The following RNF112 variants were observed in gnomAD, a reference collection of about 807,000 sequenced individuals.
The protein encoded by RNF112 is ring finger protein 112, also known as brain finger protein.
Under a neutral mutation model 64.7 loss-of-function variants are expected in RNF112, and 34 were observed. The ratio of observed to expected loss-of-function variants is 0.53; its 90% CI spans 0.40 to 0.70. RNF112 has a LOEUF of 0.70. Among genes scored for constraint, RNF112 ranks in the 30% least tolerant of loss-of-function variants. The probability of loss-of-function intolerance (pLI) is 0.00; values close to 1 mark genes in which losing one functional copy is unlikely to be tolerated. For missense variants in RNF112, 734 were observed against 850.0 expected, an observed-to-expected ratio of 0.86 and a Z score of 1.70; for synonymous variants, 345 against 344.5, an observed-to-expected ratio of 1.00 and a Z score of -0.02.
Position 19,415,535 on chromosome 17 carries a change from C to T in RNF112, c.1368C>T (p.His456=), listed in dbSNP as rs762783744. ...TSPDEMAAQL[H]DLRKVEAAKR... ...GTGGACAGATGGCTGCTCAGCTGCA[C>T]GACCTGAGGAAGGTGGAAGCTGCCA... Residue 456 remains histidine (H), a synonymous_variant, in exon 13 of 14, where the codon CAC becomes CAT. Coordinates refer to ENST00000461366, the MANE Select transcript of RNF112 (RefSeq NM_007148.5). The surrounding 1 kb of genome is among the most constrained non-coding windows in gnomAD (Gnocchi z 7.8). The T allele has an allele frequency of 2.9e-5, 47 of 1,612,216 alleles. No homozygotes were observed. The highest frequency in any genetic ancestry group is 3.5e-5 in the Non-Finnish European group (41 of 1,179,358).
rs1349507963 is a variant in RNF112, at chr17:19,415,397, G to A, written c.1350+58G>A. ...GGGAGACAGGGGAGGCAGGGAGGTG[G>A]GGGCTGTGCCGAGGCCTCCGGGGTG... is the stretch of plus-strand genomic sequence containing the variant. On this transcript the variant is annotated intron_variant, in intron 12 of 13. Transcript: ENST00000461366. This position sits in a 1 kb window ranked among gnomAD's most constrained non-coding sequence, Gnocchi z 7.8. 3.9e-6 allele frequency: 6 copies of A among 1,551,784 alleles called. No homozygotes were observed. In the East Asian group the frequency reaches 9.4e-5, roughly 24 times the overall value.
Position 19,411,636 on chromosome 17 carries a change from A to G in RNF112, c.61A>G (p.Lys21Glu). 1 of 1,564,942 alleles carries G rather than the reference A, an allele frequency of 6.4e-7. No homozygotes were observed. The highest frequency in any genetic ancestry group is 8.7e-7 in the Non-Finnish European group (1 of 1,155,076). The change falls in exon 2 of 14, where the codon AAA (lysine) becomes GAA (glutamate). Residue 21 changes from lysine to glutamate, a missense_variant. Physicochemically the swap from Lys to Glu is moderately conservative, Grantham distance 56. Coordinates refer to ENST00000461366, the MANE Select transcript of RNF112 (RefSeq NM_007148.5). ...FCHRLGKRER[K>E]QSFMGNSGNS... ...TTTTTTTTTTTTCTCCAAGGAGAGA[A>G]AACAGAGCTTCATGGGAAACAGCGG... is the stretch of plus-strand genomic sequence containing the variant.
chr17:19,413,331 T>C lies in RNF112; in HGVS notation c.640T>C (p.Cys214Arg). The C allele has an allele frequency of 6.2e-7, 1 of 1,613,280 alleles. No individual in the cohort carries two copies. Among genetic ancestry groups the C allele is most frequent in the Non-Finnish European group, 8.5e-7 (1 of 1,179,582 alleles). Residue 214 changes from cysteine (C) to arginine (R), a missense_variant, in exon 5 of 14, where the codon TGC becomes CGC. Physicochemically the swap from Cys to Arg is radical, Grantham distance 180. Transcript: ENST00000461366. This position sits in a 1 kb window ranked among gnomAD's most constrained non-coding sequence, Gnocchi z 5.9. Reference sequence around the variant, plus strand: ...AGGAGGAGAGGCATCCCTGCAGGGCTGCAGGTGGGGCGCCAATGGCCTCGC... The same window carrying C: ...AGGAGGAGAGGCATCCCTGCAGGGCCGCAGGTGGGGCGCCAATGGCCTCGC... ...PRGGEASLQG[C>R]RWGANGLARG...
chr17:19,416,489 T>G lies in RNF112; in HGVS notation c.*314T>G. 1 of 301,976 alleles carries G rather than the reference T, an allele frequency of 3.3e-6. No individual in the cohort carries two copies. The highest frequency in any genetic ancestry group is 6.2e-6 in the Non-Finnish European group (1 of 161,812). 18.7% of individuals were successfully genotyped at this position (301,976 alleles called of 1,614,324 possible). ...CAAGTGAGACTCCACCCTCCCCACC[T>G]GGCTCATTTCCCCGATGACCCTGGA... On this transcript the variant is annotated 3_prime_UTR_variant, in exon 14 of 14. Transcript: ENST00000461366.
chr17:19,414,073 A>G (rs1240671978), intron 6 of RNF112, 22 bp from the exon 7 acceptor site: 2 of 1,597,314 alleles, frequency 1.3e-6, no homozygotes, highest in African/African-American at 1.3e-5. Flanking sequence ...TCTCTCATAC[A>G]TGTTGTTCTC....
chr17:19,412,623 A>G lies in RNF112; in HGVS notation c.221A>G (p.His74Arg). The change falls in exon 3 of 14, where the codon CAC becomes CGC. Residue 74 changes from histidine (H) to arginine (R), a missense_variant. Coordinates refer to ENST00000461366, the MANE Select transcript of RNF112 (RefSeq NM_007148.5). The surrounding 1 kb of genome is among the most constrained non-coding windows in gnomAD (Gnocchi z 5.1). ...LRDPISLDCG[H>R]DFCIRCFSTH... ...GACCCCATCTCGCTGGACTGTGGCC[A>G]CGACTTCTGCATACGGTGCTTCAGC... 1 of 1,613,472 alleles carries G rather than the reference A, an allele frequency of 6.2e-7. No individual in the cohort carries two copies.
In RNF112 at chr17:19,411,476, C is replaced by T; in HGVS notation, c.54+14C>T. 7 of 1,609,418 alleles carry T rather than the reference C, an allele frequency of 4.3e-6. No homozygotes were observed. Among genetic ancestry groups the T allele is most frequent in the Non-Finnish European group, 5.9e-6 (7 of 1,178,490 alleles). On this transcript the variant is annotated intron_variant, in intron 1 of 13. Coordinates refer to ENST00000461366, the MANE Select transcript of RNF112 (RefSeq NM_007148.5). ...CTTGGCAAACGGGCAAGTCTTCAGTCCTAAGATCGGGAAGGAGAGTGGGGT... is the reference window on the plus strand; with the variant it reads ...CTTGGCAAACGGGCAAGTCTTCAGTTCTAAGATCGGGAAGGAGAGTGGGGT...
chr17:19,412,591 G>A lies in RNF112; in HGVS notation c.189G>A (p.Arg63=). The change falls in exon 3 of 14, where the codon AGG becomes AGA. Residue 63 remains arginine, a synonymous_variant. Coordinates refer to ENST00000461366, the MANE Select transcript of RNF112 (RefSeq NM_007148.5). The surrounding 1 kb of genome is among the most constrained non-coding windows in gnomAD (Gnocchi z 5.1). ...CTACCTGCTCCATCTGCCTGGAGAG[G>A]TTGCGCGACCCCATCTCGCTGGACT... ...ELPTCSICLE[R]LRDPISLDCG... The A allele has an allele frequency of 6.2e-7, 1 of 1,613,420 alleles. No homozygotes were observed. Among genetic ancestry groups the A allele is most frequent in the Non-Finnish European group, 8.5e-7 (1 of 1,179,770 alleles).
In RNF112 at chr17:19,414,442, C is replaced by T; in HGVS notation, c.877-7C>T. Reference sequence around the variant, plus strand: ...CAGCCCTGACGCTTTCTGTGTCCCACCCCCAGATGTTTGTCCACGTGGCCG... The same window carrying T: ...CAGCCCTGACGCTTTCTGTGTCCCATCCCCAGATGTTTGTCCACGTGGCCG... On this transcript the variant is annotated splice_polypyrimidine_tract_variant and splice_region_variant and intron_variant, in intron 7 of 13. Transcript: ENST00000461366. 2 of 1,613,924 alleles carry T rather than the reference C, an allele frequency of 1.2e-6. No individual in the cohort carries two copies. The highest frequency in any genetic ancestry group is 2.2e-5 in the East Asian group (1 of 44,884).
Position 19,412,680 on chromosome 17 carries a change from G to A in RNF112, c.278G>A (p.Cys93Tyr). 6.2e-7 allele frequency: 1 copy of A among 1,613,466 alleles called. No individual in the cohort carries two copies. Residue 93 changes from cysteine to tyrosine, a missense_variant, in exon 3 of 14, where the codon TGC becomes TAC. Cys to Tyr is a radical substitution (Grantham distance 194). Coordinates refer to ENST00000461366, the MANE Select transcript of RNF112 (RefSeq NM_007148.5). The surrounding 1 kb of genome is among the most constrained non-coding windows in gnomAD (Gnocchi z 5.1). ...THRLPGCEPP[C>Y]CPECRKICKQ... is the part of the protein sequence containing the mutation. ...CGTCTCCCGGGCTGTGAGCCGCCCT[G>A]CTGTCCTGAGTGCCGGAAGATATGC...
rs755460483 is a variant in RNF112 at position 19,413,218 on chromosome 17, G to A, written c.589-62G>A. On this transcript the variant is annotated intron_variant, in intron 4 of 13. Coordinates refer to ENST00000461366, the MANE Select transcript of RNF112 (RefSeq NM_007148.5). This position sits in a 1 kb window ranked among gnomAD's most constrained non-coding sequence, Gnocchi z 5.9. ...TCCTGCCTGGGGGAAGCTGGGTCTG[G>A]TATTCCGGTCTGTGGGGACAAGGAA... The A allele has an allele frequency of 6.3e-7, 1 of 1,596,478 alleles. No homozygotes were observed. The highest frequency in any genetic ancestry group is 1.1e-5 in the South Asian group (1 of 88,940).
In RNF112 at chr17:19,415,356, A is replaced by T; in HGVS notation, c.1350+17A>T. On this transcript the variant is annotated intron_variant, in intron 12 of 13. Coordinates refer to ENST00000461366, the MANE Select transcript of RNF112 (RefSeq NM_007148.5). The surrounding 1 kb of genome is among the most constrained non-coding windows in gnomAD (Gnocchi z 7.8). ...CCGGATGAGGTATGAGCGCTGGGGG[A>T]TCCAGCATTCTGGCAGGGAGACAGG... 1 of 1,589,132 alleles carries T rather than the reference A, an allele frequency of 6.3e-7. No individual in the cohort carries two copies. Among genetic ancestry groups the T allele is most frequent in the African/African-American group, 1.3e-5 (1 of 74,266 alleles).
Position 19,415,779 on chromosome 17 carries a change from G to A in RNF112, c.1500G>A (p.Gln500=), listed in dbSNP as rs1168406291. ...PDTMRNLLST[Q]KDAILARHGV... ...CCATGCGGAACCTCCTCTCCACCCAGAAAGATGCCATTCTGGCCCGCCATG... is the reference window on the plus strand; with the variant it reads ...CCATGCGGAACCTCCTCTCCACCCAAAAAGATGCCATTCTGGCCCGCCATG... Residue 500 remains glutamine, a synonymous_variant, in exon 14 of 14, where the codon CAG becomes CAA. Coordinates refer to ENST00000461366, the MANE Select transcript of RNF112 (RefSeq NM_007148.5). The surrounding 1 kb of genome is among the most constrained non-coding windows in gnomAD (Gnocchi z 7.8). The A allele has an allele frequency of 6.2e-7, 1 of 1,613,698 alleles. No individual in the cohort carries two copies. The highest frequency in any genetic ancestry group is 8.5e-7 in the Non-Finnish European group (1 of 1,179,884).
In RNF112 at chr17:19,412,582, C is replaced by G. The variant is rs762197600; in HGVS notation, c.180C>G (p.Cys60Trp). ...APRELPTCSI[C>W]LERLRDPISL... ...GGGAGCTCCCTACCTGCTCCATCTG[C>G]CTGGAGAGGTTGCGCGACCCCATCT... The change falls in exon 3 of 14, where the codon TGC (cysteine) becomes TGG (tryptophan). Residue 60 changes from cysteine (C) to tryptophan (W), a missense_variant. Coordinates refer to ENST00000461366, the MANE Select transcript of RNF112 (RefSeq NM_007148.5). The surrounding 1 kb of genome is among the most constrained non-coding windows in gnomAD (Gnocchi z 5.1). 6.2e-7 allele frequency: 1 copy of G among 1,613,460 alleles called. No individual in the cohort carries two copies. Among genetic ancestry groups the G allele is most frequent in the South Asian group, 1.1e-5 (1 of 91,058 alleles).
rs780372209 is a variant in RNF112, at chr17:19,416,675, T to G, written c.*500T>G. ...GGGGATGACAGGAAGGAAGGAACAC[T>G]GGGCAGAACCAGAGAGATGGGACAT... On this transcript the variant is annotated 3_prime_UTR_variant, in exon 14 of 14. Coordinates refer to ENST00000461366, the MANE Select transcript of RNF112 (RefSeq NM_007148.5). The G allele has an allele frequency of 1.2e-4, 20 of 160,108 alleles. No homozygotes were observed. Among genetic ancestry groups the G allele is most frequent in the Non-Finnish European group, 2.1e-4 (15 of 72,404 alleles). The allele number at this position is 160,108 out of a possible 1,614,324, so 9.9% of individuals were successfully genotyped here.
rs751996081 is a variant in RNF112, at chr17:19,415,881, C to G, written c.1602C>G (p.Ala534=). The change falls in exon 14 of 14, where the codon GCC becomes GCG. Residue 534 remains alanine (A), a synonymous_variant. Coordinates refer to ENST00000461366, the MANE Select transcript of RNF112 (RefSeq NM_007148.5). The surrounding 1 kb of genome is among the most constrained non-coding windows in gnomAD (Gnocchi z 7.8). The stretch of plus-strand genomic sequence containing the variant: ...CTGAGCTGCAGGCCACGGCCAAGGC[C>G]TTCATGGACTCCTACACGATGCGCT... ...LEAELQATAK[A]FMDSYTMRFC... is the part of the protein sequence containing the mutation. 1.9e-6 allele frequency: 3 copies of G among 1,613,618 alleles called. No individual in the cohort carries two copies. Among genetic ancestry groups the G allele is most frequent in the Admixed American group, 1.7e-5 (1 of 60,000 alleles).
Position 19,415,147 on chromosome 17 carries a change from C to T in RNF112, c.1236C>T (p.Arg412=), listed in dbSNP as rs2292289. ...SRCQGYWNEG[R]AVARGDRRLL... is the part of the protein sequence containing the mutation. ...GCCAGGGGTACTGGAACGAGGGGCG[C>T]GCCGTGGCCAGGGGGGACAGACGCC... Residue 412 remains arginine (R), a synonymous_variant, in exon 11 of 14, where the codon CGC becomes CGT. Transcript: ENST00000461366. This position sits in a 1 kb window ranked among gnomAD's most constrained non-coding sequence, Gnocchi z 7.8. 6,081 of 1,609,690 alleles carry T rather than the reference C, an allele frequency of 3.8e-3. 145 individuals carry two copies. In the East Asian group the frequency reaches 0.063, roughly 17 times the overall value.
At position 19,413,731 on chromosome 17, in the gene RNF112, A is replaced by C; in HGVS notation, c.825+50A>C. ...ATCCCCACCCCACACACCCTTCTCC[A>C]GCTCAGCTTCCTCAAGGCCAGAGCA... On this transcript the variant is annotated intron_variant, in intron 6 of 13. Transcript: ENST00000461366. This position sits in a 1 kb window ranked among gnomAD's most constrained non-coding sequence, Gnocchi z 5.9. 1 of 1,377,938 alleles carries C rather than the reference A, an allele frequency of 7.3e-7. No homozygotes were observed. Among genetic ancestry groups the C allele is most frequent in the Non-Finnish European group, 1.0e-6 (1 of 999,994 alleles). The allele number at this position is 1,377,938 out of a possible 1,614,324, so 85.4% of individuals were successfully genotyped here. A position where few individuals can be genotyped will look rare whatever the true frequency, so the allele number is the denominator to read the frequency against.
Position 19,413,355 on chromosome 17 carries a change from G to T in RNF112, c.664G>T (p.Ala222Ser). The T allele has an allele frequency of 1.9e-6, 3 of 1,613,248 alleles. No individual in the cohort carries two copies. The highest frequency in any genetic ancestry group is 2.5e-6 in the Non-Finnish European group (3 of 1,179,640). The change falls in exon 5 of 14, where the codon GCC (alanine) becomes TCC (serine). Residue 222 changes from alanine (A) to serine (S), a missense_variant. By Grantham distance (99) the Ala-to-Ser change is moderately conservative. Coordinates refer to ENST00000461366, the MANE Select transcript of RNF112 (RefSeq NM_007148.5). This position sits in a 1 kb window ranked among gnomAD's most constrained non-coding sequence, Gnocchi z 5.9. ...CTGCAGGTGGGGCGCCAATGGCCTC[G>T]CCAGGGGCATATGGATGTGGAGCCA... ...QGCRWGANGL[A>S]RGIWMWSHPF...
Sources: gnomAD v4.1 joint callset for allele counts on GRCh38, gnomAD v4.1.1 for gene constraint, Gnocchi (gnomAD v3.1) non-coding constraint, MANE v1.5 for transcripts, NCBI Gene and HGNC (gene_info 2026-07-23, HGNC 2026-07-21) for gene names.